The following BRCA2 variants were observed in gnomAD, a reference collection of about 807,000 sequenced individuals.
BRCA2 encodes BRCA2 DNA repair associated, also known as breast cancer type 2 susceptibility protein.
BRCA2 carries 203 observed loss-of-function variants against 276.7 expected under a neutral mutation model. The observed-to-expected ratio is 0.73, with a 90% CI of 0.65 to 0.82. The LOEUF (loss-of-function observed/expected upper bound fraction) is 0.82. Among genes scored for constraint, BRCA2 ranks in the 40% least tolerant of loss-of-function variants. The pLI, the probability that BRCA2 is intolerant of heterozygous loss-of-function variation, is 0.00. For synonymous variants in BRCA2, 1,289 were observed against 1,338.4 expected (o/e 0.96, Z 0.81); for missense variants, 3,920 against 3,915.0 (o/e 1.00, Z -0.03).
At chr13:32,395,347 C>G (rs372880818) in intron 25 of BRCA2, among the ~76,000 whole-genome samples, 1 of 151,832 alleles carries the variant, frequency 6.6e-6, no homozygotes, top group Non-Finnish European at 1.5e-5. Context: ...TGATTTAATC[C>G]CAGATAAGAG....
Position 32,339,970 on chromosome 13 carries a change from A to C in BRCA2, c.5615A>C (p.Lys1872Thr). ...VKDIFTDSFS[K>T]VIKENNENKS... is the part of the protein sequence containing the mutation. ...GACATATTTACAGACAGTTTCAGTA[A>C]AGTAATTAAGGAAAACAACGAGAAT... Residue 1872 changes from lysine (K) to threonine (T), a missense_variant, in exon 11 of 27, where the codon AAA becomes ACA. By Grantham distance (78) the Lys-to-Thr change is moderately conservative. Transcript: ENST00000380152. 6.2e-7 allele frequency: 1 copy of C among 1,610,596 alleles called. No homozygotes were observed. Among genetic ancestry groups the C allele is most frequent in the South Asian group, 1.1e-5 (1 of 90,050 alleles).
At position 32,333,020 on chromosome 13, in the gene BRCA2, G is replaced by C. The variant is rs1593893177; in HGVS notation, c.1542G>C (p.Glu514Asp). The C allele has an allele frequency of 6.3e-7, 1 of 1,595,862 alleles. No homozygotes were observed. The highest frequency in any genetic ancestry group is 8.5e-7 in the Non-Finnish European group (1 of 1,175,344). Residue 514 changes from glutamate to aspartate, a missense_variant, in exon 10 of 27, where the codon GAG (glutamate) becomes GAC (aspartate). Physicochemically the swap from Glu to Asp is conservative, Grantham distance 45 (BLOSUM62 2). Transcript: ENST00000380152. Reference sequence around the variant, plus strand: ...TCAGAATAAGAGAATCACCTAAAGAGACTTTCAATGCAAGTTTTTCAGGTC... The same window carrying C: ...TCAGAATAAGAGAATCACCTAAAGACACTTTCAATGCAAGTTTTTCAGGTC... Reference protein sequence around the residue: ...SIFRIRESPKETFNASFSGHM... With the variant: ...SIFRIRESPKDTFNASFSGHM...
At position 32,354,848 on chromosome 13, in the gene BRCA2, C is replaced by G. The variant is rs81002792; in HGVS notation, c.7008-13C>G. ...ACTAGTCAATAAACTTATATATTTT[C>G]TCCCCATTGCAGCACAACTAAGGAA... On this transcript the variant is annotated splice_polypyrimidine_tract_variant and intron_variant, in intron 13 of 26. Coordinates refer to ENST00000380152, the MANE Select transcript of BRCA2 (RefSeq NM_000059.4). 1 of 1,495,048 alleles carries G rather than the reference C, an allele frequency of 6.7e-7. No individual in the cohort carries two copies. 92.6% of individuals were successfully genotyped at this position (1,495,048 alleles called of 1,614,324 possible).
chr13:32,351,948 C>T (rs1319451288), intron 13 of BRCA2, among the ~76,000 whole-genome samples: 1 of 152,100 alleles, frequency 6.6e-6, no homozygotes, highest in African/African-American at 2.4e-5. Context: ...ATTACAGGCG[C>T]GTGCCACCAT....
chr13:32,383,021 A>G (rs1427746571), intron 24 of BRCA2, among the ~76,000 whole-genome samples: 3 of 152,186 alleles, frequency 2.0e-5, no homozygotes, highest in East Asian at 1.9e-4. Flanking sequence ...TGATTGCTCT[A>G]TTTCCTCGCT....
intron 26 of BRCA2, among the ~76,000 whole-genome samples, chr13:32,397,595 C>CA (rs2073045181): frequency 6.6e-6 from 1 of 151,956 alleles, no homozygotes; most frequent in Non-Finnish European, 1.5e-5. Flanking sequence ...ACTGTTCTAA[C>CA]AAAATGATGT....
rs959861055 is a variant in BRCA2, at chr13:32,336,147, C to T, written c.1910-118C>T. 5.1e-6 allele frequency: 6 copies of T among 1,171,676 alleles called. No individual in the cohort carries two copies. In the African/African-American group the frequency reaches 9.3e-5, roughly 18 times the overall value. 72.6% of individuals were successfully genotyped at this position (1,171,676 alleles called of 1,614,324 possible). A position where few individuals can be genotyped will look rare whatever the true frequency, so the allele number is the denominator to read the frequency against. On this transcript the variant is annotated intron_variant, in intron 10 of 26. Coordinates refer to ENST00000380152, the MANE Select transcript of BRCA2 (RefSeq NM_000059.4). The stretch of plus-strand genomic sequence containing the variant: ...TTCCTGCCTCAGCCTCCCAAAAGTG[C>T]TGAGATTACAGGCATGAGCCACTGT...
rs397507336 is a variant in BRCA2 at position 32,338,929 on chromosome 13, A to G, written c.4574A>G (p.His1525Arg). ...KIKEPTLLGF[H>R]TASGKKVKIA... ...AAAGAACCTACTCTATTGGGTTTTC[A>G]TACAGCTAGCGGGAAAAAAGTTAAA... The change falls in exon 11 of 27, where the codon CAT (histidine) becomes CGT (arginine). Residue 1525 changes from histidine (H) to arginine (R), a missense_variant. By Grantham distance (29) the His-to-Arg change is conservative. Coordinates refer to ENST00000380152, the MANE Select transcript of BRCA2 (RefSeq NM_000059.4). 4.3e-6 allele frequency: 7 copies of G among 1,613,952 alleles called. No homozygotes were observed. Among genetic ancestry groups the G allele is most frequent in the South Asian group, 2.2e-5 (2 of 91,056 alleles).
At chr13:32,370,005 A>G (rs1363274417) in intron 18 of BRCA2, among the ~76,000 whole-genome samples, 4 of 152,222 alleles carry the variant, frequency 2.6e-5, no homozygotes, top group East Asian at 1.9e-4. Flanking sequence ...TTGTTCCACA[A>G]ATTCTTAGCT....
intron 20 of BRCA2, among the ~76,000 whole-genome samples, chr13:32,373,250 G>C (rs553373911): frequency 6.6e-6 from 1 of 151,450 alleles, no homozygotes; most frequent in Non-Finnish European, 1.5e-5. Flanking sequence ...TCTCATTCCT[G>C]TAATCCCAGC....
In BRCA2 at chr13:32,370,537, C is replaced by G. The variant is rs2137597908; in HGVS notation, c.8467C>G (p.Gln2823Glu). 6.2e-7 allele frequency: 1 copy of G among 1,613,388 alleles called. No individual in the cohort carries two copies. Residue 2823 changes from glutamine (Q) to glutamate (E), a missense_variant, in exon 19 of 27, where the codon CAA becomes GAA. Gln to Glu is a conservative substitution (Grantham distance 29, BLOSUM62 2). Transcript: ENST00000380152. ...GNVGCVDVII[Q>E]RAYPIQWMEK... The stretch of plus-strand genomic sequence containing the variant: ...TGTTGGTTGTGTTGATGTAATTATT[C>G]AAAGAGCATACCCTATACAGGTATG...
intron 13 of BRCA2, among the ~76,000 whole-genome samples, chr13:32,354,242 G>A (rs1459480800): frequency 1.3e-5 from 2 of 152,172 alleles, no homozygotes; most frequent in African/African-American, 4.8e-5. Context: ...CTGTAGAGTA[G>A]TGGGAGAAAT....
In BRCA2 at chr13:32,398,363, A is replaced by G. The variant is rs1593201909; in HGVS notation, c.9850A>G (p.Ser3284Gly). 6.2e-7 allele frequency: 1 copy of G among 1,614,172 alleles called. No homozygotes were observed. Among genetic ancestry groups the G allele is most frequent in the African/African-American group, 1.3e-5 (1 of 75,046 alleles). ...TAGACTGCCTTTACCTCCACCTGTT[A>G]GTCCCATTTGTACATTTGTTTCTCC... is the stretch of plus-strand genomic sequence containing the variant. ...LSRLPLPPPV[S>G]PICTFVSPAA... The change falls in exon 27 of 27, where the codon AGT becomes GGT. Residue 3284 changes from serine to glycine, a missense_variant. Around this residue, in one of 2 missense-constraint regions of BRCA2, gnomAD observed 657 missense variants for 758.2 expected, o/e 0.87. Coordinates refer to ENST00000380152, the MANE Select transcript of BRCA2 (RefSeq NM_000059.4).
At chr13:32,359,211 C>T (rs2072722083) in intron 16 of BRCA2, among the ~76,000 whole-genome samples, 1 of 119,934 alleles carries the variant, frequency 8.3e-6, no homozygotes, top group Non-Finnish European at 1.6e-5. Flanking sequence ...AACAGTGAGA[C>T]TCCATCTCAA....
intron 13 of BRCA2, among the ~76,000 whole-genome samples, 198 bp from the exon 14 acceptor site, chr13:32,354,663 T>G (rs1015326984): frequency 6.6e-6 from 1 of 152,222 alleles, no homozygotes; most frequent in Middle Eastern, 3.4e-3. Context: ...CTATTATGTG[T>G]TATGTGAGGT....
At position 32,340,252 on chromosome 13, in the gene BRCA2, A is replaced by G. The variant is rs80358823; in HGVS notation, c.5897A>G (p.His1966Arg). The change falls in exon 11 of 27, where the codon CAT becomes CGT. Residue 1966 changes from histidine (H) to arginine (R), a missense_variant. Coordinates refer to ENST00000380152, the MANE Select transcript of BRCA2 (RefSeq NM_000059.4). ...DICKCSIGKL[H>R]KSVSSANTCG... Reference sequence around the variant, plus strand: ...TGTAAATGTAGTATAGGGAAGCTTCATAAGTCAGTCTCATCTGCAAATACT... The same window carrying G: ...TGTAAATGTAGTATAGGGAAGCTTCGTAAGTCAGTCTCATCTGCAAATACT... 56 of 1,613,942 alleles carry G rather than the reference A, an allele frequency of 3.5e-5. No homozygotes were observed. The highest frequency in any genetic ancestry group is 3.3e-4 in the Middle Eastern group (2 of 6,082).
chr13:32,326,426 A>C, intron 6 of BRCA2, 73 bp from the exon 7 acceptor site: 3 of 1,447,242 alleles, frequency 2.1e-6, no homozygotes, highest in Non-Finnish European at 1.9e-6. Flanking sequence ...TGAAATAAAG[A>C]GTGAATGAAA....
intron 20 of BRCA2, among the ~76,000 whole-genome samples, chr13:32,373,708 A>T (rs965377816): frequency 6.6e-5 from 10 of 152,072 alleles, no homozygotes; most frequent in Admixed American, 5.2e-4. Context: ...AGCTGCTTTC[A>T]TGGGCTGCCA....
chr13:32,363,128 G>A (rs1409754770), intron 17 of BRCA2, 51 bp from the exon 18 acceptor site: 1 of 1,459,986 alleles, frequency 6.8e-7, no homozygotes, highest in Admixed American at 1.7e-5. Context: ...TTAAACAGTG[G>A]AATTCTAGAG....
Sources: allele counts gnomAD v4.1 joint callset (sites outside exome capture counted in the v4.1 genomes callset), GRCh38; gene constraint gnomAD v4.1.1; regional missense constraint gnomAD v4.1.1; transcripts MANE v1.5; gene names NCBI Gene and HGNC (gene_info 2026-07-23, HGNC 2026-07-21).